The following ADAMTSL1 variants were observed in gnomAD, a reference collection of about 807,000 sequenced individuals.
ADAMTSL1 encodes the protein ADAMTS like 1.
In ADAMTSL1, 126 loss-of-function variants were observed where a neutral mutation model predicts 201.8. The ratio of observed to expected loss-of-function variants is 0.62; its 90% CI spans 0.54 to 0.72. The LOEUF is 0.72. ADAMTSL1 is among the 30% of genes least tolerant of loss of function. The pLI is 0.00. For synonymous variants in ADAMTSL1, 1,121 were observed against 903.4 expected, an observed-to-expected ratio of 1.24 and a Z score of -4.32; for missense variants, 2,679 against 2,277.8, an observed-to-expected ratio of 1.18 and a Z score of -3.59.
chr9:18,848,458 C>T (rs532960065), intron 23 of ADAMTSL1, among the ~76,000 whole-genome samples: 1 of 152,304 alleles, frequency 6.6e-6, no homozygotes, highest in South Asian at 2.1e-4. Context: ...TCCTTCCATC[C>T]TATTTCTCTC....
At chr9:18,833,552 T>G (rs1324538705) in intron 23 of ADAMTSL1, among the ~76,000 whole-genome samples, 6 of 152,226 alleles carry the variant, frequency 3.9e-5, no homozygotes, top group Admixed American at 3.9e-4. Context: ...AATGCAATTG[T>G]GTTTTTTTGT....
At chr9:18,329,814 A>G (rs540881794) in intron 2 of ADAMTSL1, among the ~76,000 whole-genome samples, 2 of 152,274 alleles carry the variant, frequency 1.3e-5, no homozygotes, top group African/African-American at 4.8e-5. Flanking sequence ...CAACCTTGCT[A>G]TTCTTTGTTC....
At chr9:18,160,847 A>T (rs990245114) in intron 1 of ADAMTSL1, among the ~76,000 whole-genome samples, 1 of 119,284 alleles carries the variant, frequency 8.4e-6, no homozygotes, top group South Asian at 2.9e-4. Flanking sequence ...ACCTGGCTAA[A>T]TTTTTTTTTT....
intron 1 of ADAMTSL1, among the ~76,000 whole-genome samples, chr9:18,050,482 T>C (rs1341610988): frequency 6.6e-6 from 1 of 152,228 alleles, no homozygotes; most frequent in Non-Finnish European, 1.5e-5. Flanking sequence ...TCAATTCAGA[T>C]GCCAAATCTC....
chr9:18,221,453 C>G (rs1374593706), intron 2 of ADAMTSL1, among the ~76,000 whole-genome samples: 1 of 152,164 alleles, frequency 6.6e-6, no homozygotes, highest in East Asian at 1.9e-4. Flanking sequence ...ATTTATCCTT[C>G]ACATCTTTTA....
At chr9:18,350,560 G>C (rs945584414) in intron 2 of ADAMTSL1, among the ~76,000 whole-genome samples, 1 of 151,954 alleles carries the variant, frequency 6.6e-6, no homozygotes, top group Non-Finnish European at 1.5e-5. Flanking sequence ...AGAAATACAA[G>C]GAAATTGTCA....
intron 4 of ADAMTSL1, among the ~76,000 whole-genome samples, chr9:18,599,885 G>A (rs904978151): frequency 6.6e-6 from 1 of 150,746 alleles, no homozygotes; most frequent in Non-Finnish European, 1.5e-5. Context: ...GGGCGCGGTG[G>A]CTCACGCCTG....
chr9:18,589,027 C>A (rs1444089131), intron 4 of ADAMTSL1, among the ~76,000 whole-genome samples: 1 of 151,142 alleles, frequency 6.6e-6, no homozygotes. Context: ...CAGGTGTCCA[C>A]TACCATGACT....
At chr9:17,998,984 T>C (rs911768082) in intron 1 of ADAMTSL1, among the ~76,000 whole-genome samples, 3 of 152,062 alleles carry the variant, frequency 2.0e-5, no homozygotes, top group South Asian at 2.1e-4. Context: ...TTCCTCTAGA[T>C]GAAAAATTAC....
chr9:18,730,534 A>G (rs901174077), intron 15 of ADAMTSL1, among the ~76,000 whole-genome samples: 2 of 152,242 alleles, frequency 1.3e-5, no homozygotes, highest in Non-Finnish European at 2.9e-5. Context: ...CTTCTTTTTC[A>G]TAGTGAATTC....
chr9:17,937,380 C>T lies in ADAMTSL1; in HGVS notation c.87+30458C>T, dbSNP rs1210043181. 2.0e-5 allele frequency among the ~76,000 whole-genome samples: 3 copies of T among 151,920 alleles called. No homozygotes were observed. In the East Asian group the frequency reaches 5.8e-4, roughly 29 times the overall value. ...CTAAATTGGAATGAAGACCTTTCTG[C>T]CTTCACTGCACACGTTCTCTCTGCG... On this transcript the variant is annotated intron_variant, in intron 1 of 29. Coordinates refer to the ADAMTSL1 transcript ENST00000680146.
chr9:18,138,715 G>A (rs538711500), intron 1 of ADAMTSL1, among the ~76,000 whole-genome samples: 5 of 152,274 alleles, frequency 3.3e-5, no homozygotes, highest in Admixed American at 6.5e-5. Flanking sequence ...AGGAAAAAAA[G>A]GAGGGTGAGG....
At chr9:18,771,616 C>A (rs1183958877) in intron 17 of ADAMTSL1, among the ~76,000 whole-genome samples, 2 of 151,730 alleles carry the variant, frequency 1.3e-5, no homozygotes, top group Non-Finnish European at 2.9e-5. Flanking sequence ...AATCACTAGA[C>A]CTGAAGTGAA....
intron 3 of ADAMTSL1, among the ~76,000 whole-genome samples, chr9:18,535,554 C>G (rs1348965552): frequency 1.3e-5 from 2 of 152,188 alleles, no homozygotes; most frequent in Non-Finnish European, 2.9e-5. Context: ...TTCAAGTATC[C>G]TTATAGCAGC....
chr9:18,492,786 T>C lies in ADAMTSL1; in HGVS notation c.64-12043T>C, dbSNP rs567860017. Among the ~76,000 whole-genome samples the C allele has an allele frequency of 6.6e-5, 10 of 152,288 alleles. No individual in the cohort carries two copies. In the South Asian group the frequency reaches 1.9e-3, roughly 28 times the overall value. ...TCTCAGAAATTAGCCAAAATTCCTT[T>C]TTGTGGAAGTGACTAATCTGAGGCA... On this transcript the variant is annotated intron_variant, in intron 1 of 28. Coordinates refer to ENST00000380548, the MANE Select transcript of ADAMTSL1 (RefSeq NM_001040272.6).
At chr9:18,076,877 C>G (rs1395316386) in intron 1 of ADAMTSL1, among the ~76,000 whole-genome samples, 3 of 152,014 alleles carry the variant, frequency 2.0e-5, no homozygotes, top group African/African-American at 7.3e-5. Flanking sequence ...ATTAAGGAGG[C>G]TTTTGCATTA....
chr9:18,245,440 G>C (rs956185640), intron 2 of ADAMTSL1, among the ~76,000 whole-genome samples: 1 of 152,076 alleles, frequency 6.6e-6, no homozygotes, highest in South Asian at 2.1e-4. Context: ...ATAGCTACTC[G>C]GGGTTTGTGA....
At chr9:18,640,111 T>C (rs755440700) in intron 7 of ADAMTSL1, among the ~76,000 whole-genome samples, 20 of 152,164 alleles carry the variant, frequency 1.3e-4, no homozygotes, top group Non-Finnish European at 2.5e-4. Flanking sequence ...GACATTTGAT[T>C]TAAGCTAAAG....
intron 5 of ADAMTSL1, among the ~76,000 whole-genome samples, chr9:18,626,896 TTCC>T (rs1826414501): frequency 6.6e-6 from 1 of 151,000 alleles, no homozygotes. Flanking sequence ...CCTTCCTTCC[TTCC>T]TTTCTTTCTT....
Sources: gnomAD v4.1 joint callset for allele counts (sites outside exome capture counted in the v4.1 genomes callset) on GRCh38, gnomAD v4.1.1 for gene constraint, MANE v1.5 for transcripts, NCBI Gene and HGNC (gene_info 2026-07-23, HGNC 2026-07-21) for gene names.